Variants in ABTB2 observed in about 807,000 individuals in gnomAD.
ABTB2 encodes ankyrin repeat and BTB domain containing 2, also known as ankyrin repeat and BTB/POZ domain-containing protein 2.
In ABTB2, 56 loss-of-function variants were observed where a neutral mutation model predicts 104.1. The ratio of observed to expected loss-of-function variants is 0.54; its 90% CI spans 0.43 to 0.67. ABTB2 has a LOEUF of 0.67. Among genes scored for constraint, ABTB2 ranks in the 30% least tolerant of loss-of-function variants. ABTB2 has a pLI of 0.00. For missense variants in ABTB2, 1,279 were observed against 1,407.7 expected, an observed-to-expected ratio of 0.91 and a Z score of 1.46; for synonymous variants, 606 against 608.2, an observed-to-expected ratio of 1.00 and a Z score of 0.05.
chr11:34,274,448 G>T (rs1232199221), intron 1 of ABTB2, among the ~76,000 whole-genome samples: 1 of 151,880 alleles, frequency 6.6e-6, no homozygotes, highest in Non-Finnish European at 1.5e-5. Context: ...CTCTCACCTG[G>T]ACTCTCAGTT....
chr11:34,318,857 C>T (rs1443767615), intron 1 of ABTB2, among the ~76,000 whole-genome samples: 1 of 152,128 alleles, frequency 6.6e-6, no homozygotes, highest in Admixed American at 6.5e-5. Flanking sequence ...ATCTATAAAC[C>T]CCCCTGTTTG....
chr11:34,214,550 TTTTTTTA>T, intron 1 of ABTB2, among the ~76,000 whole-genome samples: 1 of 131,242 alleles, frequency 7.6e-6, no homozygotes, highest in South Asian at 2.4e-4. Flanking sequence ...TTTTTTTTTT[TTTTTTTA>T]AAGTCAGGTT....
chr11:34,188,059 G>T (rs958279899), intron 3 of ABTB2, among the ~76,000 whole-genome samples: 1 of 152,166 alleles, frequency 6.6e-6, no homozygotes, highest in Non-Finnish European at 1.5e-5. Context: ...TCCTTAACAT[G>T]TAGCTACCTT....
intron 1 of ABTB2, among the ~76,000 whole-genome samples, chr11:34,219,917 G>C (rs559099014): frequency 6.6e-6 from 1 of 152,322 alleles, no homozygotes; most frequent in East Asian, 1.9e-4. Flanking sequence ...GCTATGTGCT[G>C]TTATCGTCAG....
intron 3 of ABTB2, among the ~76,000 whole-genome samples, chr11:34,176,011 G>A (rs1298218482): frequency 6.6e-6 from 1 of 152,208 alleles, no homozygotes; most frequent in African/African-American, 2.4e-5. Flanking sequence ...GCTGGGTGCG[G>A]TGGCTCACGC....
chr11:34,152,107 G>A lies in ABTB2; in HGVS notation c.*280C>T, dbSNP rs1045016187. 2 of 442,496 alleles carry A rather than the reference G, an allele frequency of 4.5e-6. No homozygotes were observed. The highest frequency in any genetic ancestry group is 4.5e-5 in the East Asian group (1 of 22,378). 27.4% of individuals were successfully genotyped at this position (442,496 alleles called of 1,614,324 possible). On this transcript the variant is annotated 3_prime_UTR_variant, in exon 17 of 17. Coordinates refer to ENST00000435224, the MANE Select transcript of ABTB2 (RefSeq NM_145804.3). The stretch of plus-strand genomic sequence containing the variant: ...CTGCTGACCTGCAGGAGGGGAGAGC[G>A]ACACCCCGGGGGAGTGCATGGCTGC...
chr11:34,177,720 AC>A (rs1852973798), intron 3 of ABTB2, among the ~76,000 whole-genome samples: 1 of 151,946 alleles, frequency 6.6e-6, no homozygotes, highest in African/African-American at 2.4e-5. Flanking sequence ...GACATGCACC[AC>A]CATGCCTGGC....
chr11:34,287,344 T>C (rs1172195665), intron 1 of ABTB2, among the ~76,000 whole-genome samples: 2 of 152,060 alleles, frequency 1.3e-5, no homozygotes, highest in Non-Finnish European at 2.9e-5. Context: ...GGCCAGGAGT[T>C]TGAGACCAGC....
chr11:34,256,111 G>C (rs1366699121), intron 1 of ABTB2, among the ~76,000 whole-genome samples: 1 of 148,838 alleles, frequency 6.7e-6, no homozygotes, highest in African/African-American at 2.5e-5. Flanking sequence ...TCCAACCAAA[G>C]AGTCTCAGCA....
chr11:34,211,701 C>A (rs1853482426), intron 1 of ABTB2, among the ~76,000 whole-genome samples: 1 of 151,858 alleles, frequency 6.6e-6, no homozygotes, highest in African/African-American at 2.4e-5. Context: ...CGAGACCAGC[C>A]TGTCCAACAT....
chr11:34,178,660 G>A (rs1852986483), intron 3 of ABTB2, among the ~76,000 whole-genome samples: 1 of 152,228 alleles, frequency 6.6e-6, no homozygotes, highest in African/African-American at 2.4e-5. Context: ...AGGAGACCGG[G>A]TCGGGGCTGA....
At chr11:34,266,962 G>A (rs887514236) in intron 1 of ABTB2, among the ~76,000 whole-genome samples, 1 of 141,432 alleles carries the variant, frequency 7.1e-6, no homozygotes, top group Admixed American at 7.2e-5. Flanking sequence ...CCTTTTGAGT[G>A]AGCCCACTAA....
At chr11:34,335,477 C>A in intron 1 of ABTB2, 1 of 832,476 alleles carries the variant, frequency 1.2e-6, no homozygotes, top group South Asian at 1.5e-5. Flanking sequence ...GTGTTACAGT[C>A]AGAATGATTA....
At chr11:34,261,984 C>A (rs905697474) in intron 1 of ABTB2, among the ~76,000 whole-genome samples, 7 of 152,170 alleles carry the variant, frequency 4.6e-5, no homozygotes, top group African/African-American at 1.7e-4. Flanking sequence ...TTCATAGAGG[C>A]CTTCCAGCCC....
intron 1 of ABTB2, among the ~76,000 whole-genome samples, chr11:34,343,904 G>A (rs1205075943): frequency 6.6e-6 from 1 of 152,182 alleles, no homozygotes; most frequent in Non-Finnish European, 1.5e-5. Flanking sequence ...TGAGGGCAGA[G>A]ACCTCAGCTA....
At chr11:34,155,120 C>T (rs912869546) in intron 14 of ABTB2, among the ~76,000 whole-genome samples, 2 of 152,250 alleles carry the variant, frequency 1.3e-5, no homozygotes, top group Non-Finnish European at 2.9e-5. Flanking sequence ...AGTCCTTCAG[C>T]TCCCCTGATG....
At chr11:34,188,126 A>G (rs561382061) in intron 3 of ABTB2, among the ~76,000 whole-genome samples, 8 of 152,344 alleles carry the variant, frequency 5.3e-5, no homozygotes, top group African/African-American at 1.9e-4. Flanking sequence ...ATTTCAAGCA[A>G]GGGAAACTGA....
intron 1 of ABTB2, among the ~76,000 whole-genome samples, chr11:34,272,411 C>A (rs1337782805): frequency 6.6e-6 from 1 of 150,950 alleles, no homozygotes; most frequent in Non-Finnish European, 1.5e-5. Context: ...AACTAAAAAA[C>A]CATACACATT....
In ABTB2 at chr11:34,171,230, G is replaced by C. The variant is rs529682215; in HGVS notation, c.1398-159C>G. Among the ~76,000 whole-genome samples the C allele has an allele frequency of 3.9e-5, 6 of 152,306 alleles. No homozygotes were observed. In the South Asian group the frequency reaches 1.2e-3, roughly 32 times the overall value. On this transcript the variant is annotated intron_variant, in intron 4 of 16. Transcript: ENST00000435224. ...GATCAGCAATTACTGTCCCCATCAT[G>C]TTCTGTCATATGAAGAGCACACATT...
Sources: gnomAD v4.1 joint callset for allele counts (sites outside exome capture counted in the v4.1 genomes callset) on GRCh38, gnomAD v4.1.1 for gene constraint, MANE v1.5 for transcripts, NCBI Gene and HGNC (gene_info 2026-07-23, HGNC 2026-07-21) for gene names.